DNAJC15: variants seen among roughly 807,000 people sequenced by gnomAD.
DNAJC15 encodes the protein DnaJ heat shock protein family (Hsp40) member C15, also known as dnaJ homolog subfamily C member 15.
In DNAJC15, 27 loss-of-function variants were observed where a neutral mutation model predicts 22.4. The ratio of observed to expected loss-of-function variants is 1.20; its 90% CI spans 0.89 to 1.66. DNAJC15 has a LOEUF of 1.66. DNAJC15 is among the 40% of genes most tolerant of loss of function. The pLI is 0.00. For missense variants in DNAJC15, 208 were observed against 187.1 expected (o/e 1.11, Z -0.65); for synonymous variants, 79 against 63.2 (o/e 1.25, Z -1.19).
intron 5 of DNAJC15, among the ~76,000 whole-genome samples, chr13:43,099,602 G>C (rs907452894): frequency 3.9e-5 from 6 of 152,060 alleles, no homozygotes; most frequent in African/African-American, 1.4e-4. Context: ...AAAGTGTGTT[G>C]AATCTTGTCA....
intron 5 of DNAJC15, among the ~76,000 whole-genome samples, chr13:43,096,627 A>G (rs532980918): frequency 1.3e-5 from 2 of 152,344 alleles, no homozygotes; most frequent in South Asian, 4.1e-4. Context: ...TGCTGTTAGG[A>G]ATCTTATATT....
At chr13:43,102,964 A>T (rs866016458) in intron 5 of DNAJC15, among the ~76,000 whole-genome samples, 1 of 152,148 alleles carries the variant, frequency 6.6e-6, no homozygotes, top group South Asian at 2.1e-4. Flanking sequence ...TTAGTTTCTT[A>T]AATATTCTTT....
Position 43,110,853 on chromosome 13 carries a change from A to T in DNAJC15, c.*3605A>T, listed in dbSNP as rs2040821406. The T allele has an allele frequency of 6.6e-6, 1 of 151,824 alleles. No homozygotes were observed. The highest frequency in any genetic ancestry group is 2.1e-4 in the South Asian group (1 of 4,806). The allele number at this position is 151,824 out of a possible 1,614,324, so 9.4% of individuals were successfully genotyped here. ...TTTCACCAGCCACACCCTCCCCCCA[A>T]CTCCTTATCTGTAAAAAGCTTATTT... On this transcript the variant is annotated 3_prime_UTR_variant, in exon 6 of 6. Transcript: ENST00000379221.
intron 3 of DNAJC15, among the ~76,000 whole-genome samples, chr13:43,077,859 C>A (rs910872784): frequency 6.6e-6 from 1 of 152,198 alleles, no homozygotes; most frequent in Non-Finnish European, 1.5e-5. Flanking sequence ...CCACTTTTAT[C>A]ACCTCCTCTG....
intron 1 of DNAJC15, among the ~76,000 whole-genome samples, chr13:43,057,455 G>A (rs915177966): frequency 2.6e-5 from 4 of 151,912 alleles, no homozygotes; most frequent in Admixed American, 6.6e-5. Flanking sequence ...AGTTGTGATT[G>A]TTTTTTCTTT....
intron 5 of DNAJC15, among the ~76,000 whole-genome samples, chr13:43,089,976 GTCTA>G (rs2040706427): frequency 6.6e-6 from 1 of 152,152 alleles, no homozygotes; most frequent in African/African-American, 2.4e-5. Flanking sequence ...AGTGACACCA[GTCTA>G]TCCATATATA....
At position 43,025,811 on chromosome 13, in the gene DNAJC15, G is replaced by A. The variant is rs1242798479; in HGVS notation, c.108+2077G>A. The stretch of plus-strand genomic sequence containing the variant: ...TCCAGCTAGTAGGGAGGCTGAGGCA[G>A]AAGAATTGCTTGAACCCAGGGGGCA... On this transcript the variant is annotated intron_variant, in intron 1 of 5. Transcript: ENST00000379221. 3.9e-5 allele frequency among the ~76,000 whole-genome samples: 6 copies of A among 152,322 alleles called. No individual in the cohort carries two copies. In the South Asian group the frequency reaches 6.2e-4, roughly 16 times the overall value.
rs555261385 is a variant in DNAJC15 at position 43,096,402 on chromosome 13, G to T, written c.382+10564G>T. Among the ~76,000 whole-genome samples the T allele has an allele frequency of 8.5e-5, 13 of 152,246 alleles. No individual in the cohort carries two copies. The South Asian group carries it at 1.0e-3, about 12-fold the overall frequency. On this transcript the variant is annotated intron_variant, in intron 5 of 5. Transcript: ENST00000379221. The stretch of plus-strand genomic sequence containing the variant: ...TATTTATCCAGCTGTACTGAGCTAG[G>T]CATTTAGATCTTATCTAGAATTTTG...
At chr13:43,059,856 G>T (rs1212079398) in intron 1 of DNAJC15, among the ~76,000 whole-genome samples, 1 of 151,862 alleles carries the variant, frequency 6.6e-6, no homozygotes, top group Non-Finnish European at 1.5e-5. Context: ...TCGCGGGCAT[G>T]GGGTGGATCT....
At chr13:43,092,363 C>A (rs1378886183) in intron 5 of DNAJC15, among the ~76,000 whole-genome samples, 5 of 151,672 alleles carry the variant, frequency 3.3e-5, no homozygotes, top group African/African-American at 1.2e-4. Flanking sequence ...CTTTTTGTAT[C>A]TCTCTTGTTG....
chr13:43,106,921 TGTTGTTCA>T, intron 5 of DNAJC15, among the ~76,000 whole-genome samples: 1 of 152,160 alleles, frequency 6.6e-6, no homozygotes, highest in East Asian at 1.9e-4. Flanking sequence ...AGTAGTTGAA[TGTTGTTCA>T]AGTTATTCCT....
chr13:43,089,828 CTTTAA>C (rs2040705846), intron 5 of DNAJC15, among the ~76,000 whole-genome samples: 1 of 152,044 alleles, frequency 6.6e-6, no homozygotes, highest in Admixed American at 6.5e-5. Context: ...TTTAAGTATA[CTTTAA>C]TTGAAGTGTA....
chr13:43,028,653 A>G (rs577499899), intron 1 of DNAJC15, among the ~76,000 whole-genome samples: 69 of 152,108 alleles, frequency 4.5e-4, no homozygotes, highest in Non-Finnish European at 9.4e-4. Flanking sequence ...CATCCCCTAC[A>G]TTGCACTGTA....
intron 1 of DNAJC15, among the ~76,000 whole-genome samples, chr13:43,038,801 GA>G (rs562632739): frequency 0.16 from 17,064 of 107,200 alleles, 1,487 homozygotes; most frequent in African/African-American, 0.3. Flanking sequence ...CAAAAAATAG[GA>G]AAAAAAAAAA....
At chr13:43,088,419 T>G (rs2040699201) in intron 5 of DNAJC15, among the ~76,000 whole-genome samples, 1 of 152,212 alleles carries the variant, frequency 6.6e-6, no homozygotes, top group South Asian at 2.1e-4. Context: ...CTTTTAGTGA[T>G]TAAGAGCTTC....
intron 1 of DNAJC15, among the ~76,000 whole-genome samples, chr13:43,056,800 G>A (rs1318099910): frequency 6.6e-6 from 1 of 152,126 alleles, no homozygotes; most frequent in East Asian, 1.9e-4. Context: ...TTGCTTTGAA[G>A]TCTGTTTTGT....
At chr13:43,034,380 A>G (rs2040418350) in intron 1 of DNAJC15, among the ~76,000 whole-genome samples, 1 of 124,994 alleles carries the variant, frequency 8.0e-6, no homozygotes, top group African/African-American at 3.2e-5. Context: ...CAGTGGCGCG[A>G]TCTCGGCTCA....
chr13:43,102,382 C>G (rs918194614), intron 5 of DNAJC15, among the ~76,000 whole-genome samples: 2 of 152,096 alleles, frequency 1.3e-5, no homozygotes, highest in African/African-American at 4.8e-5. Flanking sequence ...TGTGGGTTGT[C>G]TGTTTATTCT....
At chr13:43,049,181 A>G (rs918250140) in intron 1 of DNAJC15, among the ~76,000 whole-genome samples, 1 of 152,220 alleles carries the variant, frequency 6.6e-6, no homozygotes, top group Non-Finnish European at 1.5e-5. Flanking sequence ...TAACCTGGTT[A>G]TTGCCTAGTT....
Sources: allele counts gnomAD v4.1 joint callset (sites outside exome capture counted in the v4.1 genomes callset), GRCh38; gene constraint gnomAD v4.1.1; transcripts MANE v1.5; gene names NCBI Gene and HGNC (gene_info 2026-07-23, HGNC 2026-07-21).